Variants in NAALADL2 observed in about 807,000 individuals in gnomAD.
NAALADL2 encodes the protein inactive N-acetylated-alpha-linked acidic dipeptidase-like protein 2.
Under a neutral mutation model 87.2 loss-of-function variants are expected in NAALADL2, and 76 were observed. The ratio of observed to expected loss-of-function variants is 0.87; its 90% CI spans 0.72 to 1.05. NAALADL2 has a LOEUF of 1.05. Among genes scored for constraint, NAALADL2 ranks in the 50% least tolerant of loss-of-function variants. NAALADL2 has a pLI of 0.00. For missense variants in NAALADL2, 1,089 were observed against 945.8 expected (o/e 1.15, Z -1.99); for synonymous variants, 354 against 331.0 (o/e 1.07, Z -0.75).
At chr3:174,736,151 T>C (rs1015979612) in intron 2 of NAALADL2, among the ~76,000 whole-genome samples, 40 of 152,228 alleles carry the variant, frequency 2.6e-4, no homozygotes, top group African/African-American at 9.4e-4. Context: ...AGAGAGAGTG[T>C]CACAGCCCTG....
At chr3:175,138,887 AATATATATATATATATATAT>A (rs58824117) in intron 2 of NAALADL2, among the ~76,000 whole-genome samples, 7,908 of 95,466 alleles carry the variant, frequency 0.083, 400 homozygotes, top group Non-Finnish European at 0.1. Flanking sequence ...AGCCTTTTAA[AATATATATATATATATATAT>A]ATATATATAT....
intron 10 of NAALADL2, among the ~76,000 whole-genome samples, chr3:175,598,545 T>A (rs1722544086): frequency 6.6e-6 from 1 of 152,112 alleles, no homozygotes; most frequent in Non-Finnish European, 1.5e-5. Context: ...TAAAGATTAT[T>A]GTCACCATTT....
intron 2 of NAALADL2, among the ~76,000 whole-genome samples, chr3:174,665,329 C>A (rs1725864599): frequency 6.6e-6 from 1 of 152,128 alleles, no homozygotes; most frequent in Admixed American, 6.5e-5. Context: ...TACTTGGGTT[C>A]TGGGCCTGGC....
chr3:174,886,526 C>T (rs1054675659), intron 1 of NAALADL2, among the ~76,000 whole-genome samples: 5 of 152,140 alleles, frequency 3.3e-5, no homozygotes, highest in African/African-American at 1.2e-4. Context: ...TCACACTTGC[C>T]ATGAGGTGTC....
chr3:175,686,162 G>A (rs1053222588), intron 11 of NAALADL2, among the ~76,000 whole-genome samples: 4 of 152,072 alleles, frequency 2.6e-5, no homozygotes, highest in African/African-American at 9.7e-5. Context: ...TTGTTATTCT[G>A]TAATAAAATA....
chr3:174,549,063 A>G (rs1003453977), intron 1 of NAALADL2, among the ~76,000 whole-genome samples: 1 of 152,194 alleles, frequency 6.6e-6, no homozygotes, highest in East Asian at 1.9e-4. Context: ...GGGGCCTCCA[A>G]TGCCTGGGCT....
At chr3:175,131,835 C>A (rs1352459944) in intron 2 of NAALADL2, among the ~76,000 whole-genome samples, 1 of 127,856 alleles carries the variant, frequency 7.8e-6, no homozygotes, top group Non-Finnish European at 1.7e-5. Flanking sequence ...CCCCCCCCAC[C>A]TCCCTCCCGG....
At position 175,786,748 on chromosome 3, in the gene NAALADL2, T is replaced by G. The variant is rs1752024718; in HGVS notation, c.2190-16257T>G. Among the ~76,000 whole-genome samples, 3 of 151,938 alleles carry G rather than the reference T, an allele frequency of 2.0e-5. No homozygotes were observed. The South Asian group carries it at 6.2e-4, about 31-fold the overall frequency. On this transcript the variant is annotated intron_variant, in intron 13 of 13. Transcript: ENST00000454872. The stretch of plus-strand genomic sequence containing the variant: ...CTTTGTTCCGTTGCTGGTGAGGAAC[T>G]GCGTTCCTTTGGAGGAGGAGGAGGA...
intron 11 of NAALADL2, among the ~76,000 whole-genome samples, chr3:175,656,587 A>G (rs957639621): frequency 6.6e-6 from 1 of 151,622 alleles, no homozygotes; most frequent in African/African-American, 2.4e-5. Context: ...CTACATTTAG[A>G]AAGTATTTTT....
At chr3:174,786,856 A>G (rs1716740799) in intron 3 of NAALADL2, among the ~76,000 whole-genome samples, 1 of 152,092 alleles carries the variant, frequency 6.6e-6, no homozygotes, top group South Asian at 2.1e-4. Context: ...TAAAAATTAA[A>G]TTGTCGTCTT....
chr3:174,772,237 C>T (rs764701654), intron 3 of NAALADL2, among the ~76,000 whole-genome samples: 4 of 152,046 alleles, frequency 2.6e-5, no homozygotes, highest in Admixed American at 6.5e-5. Context: ...CTGTTTCTAC[C>T]TAAATGACTT....
At chr3:174,816,749 G>T (rs1720859174) in intron 3 of NAALADL2, among the ~76,000 whole-genome samples, 2 of 151,894 alleles carry the variant, frequency 1.3e-5, no homozygotes, top group Non-Finnish European at 1.5e-5. Context: ...AGTCCTTCTT[G>T]CTTTTGTCTT....
At chr3:175,703,662 G>C (rs1365761052) in intron 11 of NAALADL2, among the ~76,000 whole-genome samples, 1 of 152,140 alleles carries the variant, frequency 6.6e-6, no homozygotes, top group Non-Finnish European at 1.5e-5. Context: ...AGAATCGCTT[G>C]AACCTGGGAG....
intron 1 of NAALADL2, among the ~76,000 whole-genome samples, chr3:175,008,799 G>A (rs1366009224): frequency 1.3e-5 from 2 of 151,618 alleles, no homozygotes; most frequent in African/African-American, 4.9e-5. Context: ...GCAGTTCCAT[G>A]TTTGGTCCAG....
chr3:175,286,849 T>C (rs1186743452), intron 4 of NAALADL2, among the ~76,000 whole-genome samples: 1 of 152,104 alleles, frequency 6.6e-6, no homozygotes, highest in East Asian at 1.9e-4. Flanking sequence ...TGCAGCCCTT[T>C]GGGAGGCCAC....
intron 1 of NAALADL2, among the ~76,000 whole-genome samples, chr3:174,478,176 G>A (rs1577991356): frequency 6.6e-6 from 1 of 151,924 alleles, no homozygotes; most frequent in African/African-American, 2.4e-5. Flanking sequence ...AGAAACTTAC[G>A]ACTGATTTAG....
intron 2 of NAALADL2, among the ~76,000 whole-genome samples, chr3:174,557,386 CTT>C (rs1199643007): frequency 1.3e-5 from 2 of 151,946 alleles, no homozygotes; most frequent in African/African-American, 4.8e-5. Context: ...TTTGTAAAAA[CTT>C]TTTTAATATC....
intron 2 of NAALADL2, among the ~76,000 whole-genome samples, chr3:175,116,317 T>A (rs1183746977): frequency 6.6e-6 from 1 of 152,064 alleles, no homozygotes; most frequent in African/African-American, 2.4e-5. Context: ...ATGACATGAT[T>A]ATATATTTAG....
chr3:175,271,311 A>C (rs901693170), intron 4 of NAALADL2, among the ~76,000 whole-genome samples: 7 of 152,212 alleles, frequency 4.6e-5, no homozygotes, highest in African/African-American at 1.7e-4. Flanking sequence ...TGATAGAATA[A>C]ATTTAGAAAT....
Sources: allele counts gnomAD v4.1 joint callset (sites outside exome capture counted in the v4.1 genomes callset), GRCh38; gene constraint gnomAD v4.1.1; transcripts MANE v1.5; gene names NCBI Gene and HGNC (gene_info 2026-07-23, HGNC 2026-07-21).